The following OCIAD1 variants were observed in gnomAD, a reference collection of about 807,000 sequenced individuals.
OCIAD1 encodes OCIA domain-containing protein 1.
A neutral mutation model predicts 38.9 loss-of-function variants in OCIAD1; 29 were observed. The observed-to-expected ratio is 0.74, with a 90% CI of 0.55 to 1.02. The LOEUF (loss-of-function observed/expected upper bound fraction) is 1.02, where lower values mean the gene tolerates loss of function less well. OCIAD1 is among the 50% of genes least tolerant of loss of function. OCIAD1 has a pLI of 0.00. For missense variants in OCIAD1, 288 were observed against 289.6 expected (o/e 0.99, Z 0.04); for synonymous variants, 110 against 92.0 (o/e 1.20, Z -1.12).
chr4:48,823,378 C>A (rs1302306001), intron 1 of OCIAD1, among the ~76,000 whole-genome samples: 1 of 150,384 alleles, frequency 6.6e-6, no homozygotes, highest in South Asian at 2.1e-4. Context: ...CATCACACAC[C>A]GGGACCTGTT....
At chr4:48,854,573 A>G (rs187199318) in intron 7 of OCIAD1, among the ~76,000 whole-genome samples, 1 of 152,282 alleles carries the variant, frequency 6.6e-6, no homozygotes, top group African/African-American at 2.4e-5. Context: ...GTTTTTTTCC[A>G]TACAAAAGCC....
intron 1 of OCIAD1, chr4:48,805,458 G>A (rs1777014886): frequency 6.6e-6 from 1 of 152,172 alleles, no homozygotes; most frequent in African/African-American, 2.4e-5. Flanking sequence ...ACACAGCAAT[G>A]GATAACTAAT....
chr4:48,861,028 C>A lies in OCIAD1; in HGVS notation c.*266C>A. The A allele has an allele frequency of 2.7e-6, 1 of 369,208 alleles. No homozygotes were observed. Among genetic ancestry groups the A allele is most frequent in the Non-Finnish European group, 4.8e-6 (1 of 207,734 alleles). The allele number at this position is 369,208 out of a possible 1,614,324, so 22.9% of individuals were successfully genotyped here. A position where few individuals can be genotyped will look rare whatever the true frequency, so the allele number is the denominator to read the frequency against. ...ACAGTTTGTGAAATTGTTGCAAGGG[C>A]AAAGATAACTCTTAAAAAACCGTCG... On this transcript the variant is annotated 3_prime_UTR_variant, in exon 9 of 9. Coordinates refer to ENST00000264312, the MANE Select transcript of OCIAD1 (RefSeq NM_017830.4).
intron 1 of OCIAD1, among the ~76,000 whole-genome samples, chr4:48,832,053 A>G (rs549312249): frequency 8.5e-5 from 13 of 152,356 alleles, no homozygotes; most frequent in African/African-American, 3.1e-4. Flanking sequence ...TTGGGGTGGA[A>G]GGAAATTTGG....
chr4:48,840,987 G>C (rs1188498679), intron 3 of OCIAD1, among the ~76,000 whole-genome samples: 2 of 152,208 alleles, frequency 1.3e-5, no homozygotes, highest in Admixed American at 6.5e-5. Flanking sequence ...CTGCATTCCA[G>C]CCTTGGTGAT....
chr4:48,831,286 T>A (rs1777460175), intron 1 of OCIAD1, 37 bp downstream of exon 1: 1 of 355,190 alleles, frequency 2.8e-6, no homozygotes, highest in Non-Finnish European at 5.6e-6. Flanking sequence ...GTTGTTGCCC[T>A]CCGCGTATCC....
intron 1 of OCIAD1, among the ~76,000 whole-genome samples, chr4:48,824,634 G>A (rs953554049): frequency 2.6e-5 from 4 of 152,038 alleles, no homozygotes; most frequent in Non-Finnish European, 5.9e-5. Context: ...CGATCCTCCT[G>A]CCTTGGCCAG....
intron 1 of OCIAD1, among the ~76,000 whole-genome samples, chr4:48,822,461 G>C (rs546450104): frequency 6.6e-6 from 1 of 152,172 alleles, no homozygotes; most frequent in East Asian, 1.9e-4. Context: ...AACATAGGCA[G>C]TACCATTCAG....
chr4:48,818,400 G>A (rs376965515), intron 1 of OCIAD1, among the ~76,000 whole-genome samples: 1 of 152,040 alleles, frequency 6.6e-6, no homozygotes, highest in Non-Finnish European at 1.5e-5. Context: ...GGACCCCCAC[G>A]TAAAGACTCC....
intron 1 of OCIAD1, among the ~76,000 whole-genome samples, chr4:48,815,824 T>C (rs964272676): frequency 6.6e-6 from 1 of 152,218 alleles, no homozygotes; most frequent in African/African-American, 2.4e-5. Flanking sequence ...ATAAATTCAT[T>C]GAATATGAAA....
chr4:48,857,929 G>A (rs375681184), intron 8 of OCIAD1, among the ~76,000 whole-genome samples: 18 of 152,260 alleles, frequency 1.2e-4, no homozygotes, highest in South Asian at 8.3e-4. Flanking sequence ...CAAGCTGGGT[G>A]TATCACTTGA....
intron 1 of OCIAD1, among the ~76,000 whole-genome samples, chr4:48,815,571 C>T (rs1409010946): frequency 6.6e-6 from 1 of 152,194 alleles, no homozygotes; most frequent in Non-Finnish European, 1.5e-5. Context: ...CTGAAAACTA[C>T]AGTAGATCTG....
chr4:48,814,645 G>A (rs998397275), intron 1 of OCIAD1, among the ~76,000 whole-genome samples: 6 of 152,006 alleles, frequency 3.9e-5, no homozygotes, highest in African/African-American at 4.8e-5. Flanking sequence ...ATAGTTTACC[G>A]GGAATGGTTC....
chr4:48,811,784 T>A (rs1284544308), intron 1 of OCIAD1, among the ~76,000 whole-genome samples: 1 of 152,134 alleles, frequency 6.6e-6, no homozygotes, highest in Admixed American at 6.6e-5. Flanking sequence ...TCCACAGATT[T>A]TAGTCAAATG....
intron 1 of OCIAD1, among the ~76,000 whole-genome samples, chr4:48,811,998 T>A (rs1219569028): frequency 6.6e-6 from 1 of 151,866 alleles, no homozygotes; most frequent in Non-Finnish European, 1.5e-5. Flanking sequence ...AAAACTAAAT[T>A]TGGGGCTGGG....
chr4:48,843,672 G>C (rs905557775), intron 4 of OCIAD1, among the ~76,000 whole-genome samples: 5 of 152,028 alleles, frequency 3.3e-5, no homozygotes, highest in African/African-American at 1.2e-4. Flanking sequence ...TTAAGACTAA[G>C]CTGTTTTATA....
At chr4:48,832,818 A>G (rs1247689496) in intron 2 of OCIAD1, 136 bp downstream of exon 2, 2 of 691,358 alleles carry the variant, frequency 2.9e-6, no homozygotes, top group African/African-American at 3.6e-5. Flanking sequence ...TTCATGTTCT[A>G]GTCTTGTTAT....
intron 1 of OCIAD1, among the ~76,000 whole-genome samples, chr4:48,832,110 G>A (rs758387663): frequency 1.3e-5 from 2 of 152,208 alleles, no homozygotes; most frequent in Non-Finnish European, 2.9e-5. Flanking sequence ...AGAAGGATAT[G>A]TCGTCTTTGT....
At chr4:48,830,910 G>A, upstream of OCIAD1, 1 of 156,272 alleles carries the variant, frequency 6.4e-6, no homozygotes, top group East Asian at 1.9e-4. Context: ...CAGGGTTCTT[G>A]GTCCGCCGCT....
Sources: gnomAD v4.1 joint callset for allele counts (sites outside exome capture counted in the v4.1 genomes callset) on GRCh38, gnomAD v4.1.1 for gene constraint, MANE v1.5 for transcripts, NCBI Gene and HGNC (gene_info 2026-07-23, HGNC 2026-07-21) for gene names.